Variants in VPS13A observed in about 807,000 individuals in gnomAD.
VPS13A encodes intermembrane lipid transfer protein VPS13A.
In VPS13A, 264 loss-of-function variants were observed where a neutral mutation model predicts 390.9. The ratio of observed to expected loss-of-function variants is 0.68; its 90% CI spans 0.61 to 0.75. The LOEUF is 0.75. Ranked by LOEUF, VPS13A falls within the 30% of genes least tolerant of loss-of-function variation. The pLI is 0.00. For missense variants in VPS13A, 3,409 were observed against 3,733.9 expected, an observed-to-expected ratio of 0.91 and a Z score of 2.27; for synonymous variants, 1,231 against 1,227.1, an observed-to-expected ratio of 1.00 and a Z score of -0.07.
intron 35 of VPS13A, among the ~76,000 whole-genome samples, chr9:77,309,375 A>G (rs560365452): frequency 6.6e-6 from 1 of 152,322 alleles, no homozygotes; most frequent in East Asian, 1.9e-4. Context: ...TACAGAAGAA[A>G]TAATTGAGGA....
intron 33 of VPS13A, among the ~76,000 whole-genome samples, chr9:77,298,786 AG>A (rs975608058): frequency 8.5e-5 from 13 of 152,146 alleles, no homozygotes; most frequent in African/African-American, 1.2e-4. Flanking sequence ...TTGAATCATG[AG>A]GGTGGTTCCC....
Position 77,315,321 on chromosome 9 carries a change from A to G in VPS13A, c.4481A>G (p.Asp1494Gly). 1.2e-6 allele frequency: 2 copies of G among 1,613,944 alleles called. No homozygotes were observed. Among genetic ancestry groups the G allele is most frequent in the Non-Finnish European group, 1.7e-6 (2 of 1,179,848 alleles). Residue 1494 changes from aspartate to glycine, a missense_variant, in exon 38 of 72, where the codon GAT becomes GGT. Physicochemically the swap from Asp to Gly is moderately conservative, Grantham distance 94. Coordinates refer to ENST00000360280, the MANE Select transcript of VPS13A (RefSeq NM_033305.3). ...GATATAAAGTACAGGAAAGTCAGAG[A>G]TGGTTGTGTGACTGATGCGGTCTTT... ...MMDIKYRKVR[D>G]GCVTDAVFQE...
chr9:77,267,438 G>T (rs1826098417), intron 23 of VPS13A, among the ~76,000 whole-genome samples: 1 of 152,208 alleles, frequency 6.6e-6, no homozygotes. Context: ...CTGCAGGTCT[G>T]CTGGAGTTTG....
Position 77,414,289 on chromosome 9 carries a change from C to T in VPS13A, c.9475-1667C>T, listed in dbSNP as rs1332931687. 4.6e-5 allele frequency among the ~76,000 whole-genome samples: 7 copies of T among 152,164 alleles called. No homozygotes were observed. The South Asian group carries it at 6.2e-4, about 14-fold the overall frequency. ...ATGCTGCTATAAAGACACATGCACA[C>T]ATATGTTTATTGCGGCACTATTCAC... is the stretch of plus-strand genomic sequence containing the variant. On this transcript the variant is annotated intron_variant, in intron 71 of 71. Coordinates refer to ENST00000360280, the MANE Select transcript of VPS13A (RefSeq NM_033305.3).
intron 55 of VPS13A, among the ~76,000 whole-genome samples, chr9:77,357,316 CAAAAAAAAAAA>C (rs1156801817): frequency 3.8e-4 from 17 of 44,606 alleles, no homozygotes; most frequent in African/African-American, 3.3e-4. Context: ...GACTCTGTCT[CAAAAAAAAAAA>C]AAAAAAAAAA....
chr9:77,242,716 A>G (rs1178130473), intron 19 of VPS13A, among the ~76,000 whole-genome samples: 6 of 151,898 alleles, frequency 4.0e-5, no homozygotes, highest in Non-Finnish European at 7.4e-5. Flanking sequence ...GAAATCCACT[A>G]TAGACATTCA....
At chr9:77,266,211 A>G (rs1469754541) in intron 23 of VPS13A, among the ~76,000 whole-genome samples, 2 of 152,178 alleles carry the variant, frequency 1.3e-5, no homozygotes, top group Non-Finnish European at 2.9e-5. Flanking sequence ...TTTACCTTCA[A>G]TTATGTGATC....
At chr9:77,366,278 T>A (rs1832425266) in intron 60 of VPS13A, among the ~76,000 whole-genome samples, 1 of 152,042 alleles carries the variant, frequency 6.6e-6, no homozygotes, top group African/African-American at 2.4e-5. Flanking sequence ...AATAAAGTTA[T>A]TATAAAGAAT....
intron 13 of VPS13A, among the ~76,000 whole-genome samples, chr9:77,223,807 GCTATA>G (rs1460506208): frequency 5.3e-5 from 8 of 152,138 alleles, no homozygotes; most frequent in African/African-American, 1.4e-4. Context: ...GATGAAGGTG[GCTATA>G]CTAAACAGAT....
At chr9:77,197,455 C>T (rs1825069729) in intron 1 of VPS13A, among the ~76,000 whole-genome samples, 1 of 152,126 alleles carries the variant, frequency 6.6e-6, no homozygotes, top group African/African-American at 2.4e-5. Context: ...TTGGTGCATA[C>T]ATGTTTATAA....
intron 71 of VPS13A, 65 bp from the exon 72 acceptor site, chr9:77,415,891 A>C (rs1835152053): frequency 6.3e-6 from 10 of 1,579,388 alleles, no homozygotes; most frequent in Non-Finnish European, 8.7e-6. Flanking sequence ...ATCTCCATTC[A>C]TTACATTTTG....
intron 68 of VPS13A, 100 bp from the exon 69 acceptor site, chr9:77,403,136 C>T: frequency 1.3e-6 from 1 of 775,824 alleles, no homozygotes. Context: ...TAATGGTTTG[C>T]CCCATTGAGA....
At chr9:77,234,125 A>G (rs1454067667) in intron 17 of VPS13A, among the ~76,000 whole-genome samples, 2 of 152,172 alleles carry the variant, frequency 1.3e-5, no homozygotes, top group African/African-American at 4.8e-5. Context: ...TCAAACTATA[A>G]TGACCTTTTC....
Position 77,356,796 on chromosome 9 carries a change from A to G in VPS13A, c.7735A>G (p.Arg2579Gly), listed in dbSNP as rs761041128. ...MSVKHTEKLEREFKEYTESSP... is the reference protein window; with the variant it reads ...MSVKHTEKLEGEFKEYTESSP... The stretch of plus-strand genomic sequence containing the variant: ...TGTAAAGCACACTGAGAAGTTAGAG[A>G]GAGAATTTAAGGAATATACTGAATC... The change falls in exon 55 of 72, where the codon AGA becomes GGA. Residue 2579 changes from arginine (R) to glycine (G), a missense_variant. Arg to Gly is a moderately radical substitution (Grantham distance 125). This residue lies in a region of VPS13A where 221 missense variants were observed against 300.7 expected (regional missense o/e 0.73). Transcript: ENST00000360280. 6.2e-7 allele frequency: 1 copy of G among 1,613,914 alleles called. No homozygotes were observed. The highest frequency in any genetic ancestry group is 2.2e-5 in the East Asian group (1 of 44,828).
chr9:77,272,590 A>G (rs963882159), intron 23 of VPS13A, among the ~76,000 whole-genome samples: 2 of 152,202 alleles, frequency 1.3e-5, no homozygotes, highest in South Asian at 4.1e-4. Context: ...TGTATGTCAT[A>G]TATGCTACAG....
Position 77,226,052 on chromosome 9 carries a change from ATAT to A in VPS13A, c.1224+70_1224+72del. On this transcript the variant is annotated intron_variant, in intron 14 of 71. Transcript: ENST00000360280. ...ATTCCATATAGATATGACAGATGTG[ATAT>A]TATTAATCTTATACTGTAACATATT... 2.8e-6 allele frequency: 4 copies of A among 1,434,236 alleles called. No individual in the cohort carries two copies. In the South Asian group the frequency reaches 3.5e-5, roughly 13 times the overall value. 88.8% of individuals were successfully genotyped at this position (1,434,236 alleles called of 1,614,324 possible). A position where few individuals can be genotyped will look rare whatever the true frequency, so the allele number is the denominator to read the frequency against.
chr9:77,276,872 A>C (rs1197644077), intron 26 of VPS13A, among the ~76,000 whole-genome samples: 2 of 152,164 alleles, frequency 1.3e-5, no homozygotes, highest in Non-Finnish European at 2.9e-5. Context: ...CAGTGATTAG[A>C]TTGGACACAC....
chr9:77,357,952 C>CA, intron 56 of VPS13A, 114 bp downstream of exon 56: 1 of 345,860 alleles, frequency 2.9e-6, no homozygotes, highest in Non-Finnish European at 4.5e-6. Context: ...TTGTGCTAGC[C>CA]TTTTTTTTTT....
chr9:77,366,734 T>G lies in VPS13A; in HGVS notation c.8333T>G (p.Leu2778Ter). ...YFHISPIKLH[L>*]SVSLSSGREE... ...ATCTCTTTATCTTTTTAGTTACATT[T>G]AAGTGTTTCACTGAGTTCCGGCAGA... The change falls in exon 61 of 72, where the codon TTA becomes TGA. Residue 2778 changes from leucine (L) to a stop codon, truncating the protein, a stop_gained. Coordinates refer to ENST00000360280, the MANE Select transcript of VPS13A (RefSeq NM_033305.3). LOFTEE classifies it high-confidence loss of function. 1 of 1,611,654 alleles carries G rather than the reference T, an allele frequency of 6.2e-7. No homozygotes were observed. Among genetic ancestry groups the G allele is most frequent in the Non-Finnish European group, 8.5e-7 (1 of 1,178,378 alleles).
Sources: gnomAD v4.1 joint callset for allele counts (sites outside exome capture counted in the v4.1 genomes callset) on GRCh38, gnomAD v4.1.1 for gene constraint, gnomAD v4.1.1 regional missense constraint, MANE v1.5 for transcripts, NCBI Gene and HGNC (gene_info 2026-07-23, HGNC 2026-07-21) for gene names.